BCKDHB: variants seen among roughly 807,000 people sequenced by gnomAD.
The protein encoded by BCKDHB is 2-oxoisovalerate dehydrogenase subunit beta, mitochondrial.
BCKDHB carries 41 observed loss-of-function variants against 48.5 expected under a neutral mutation model. The observed-to-expected ratio is 0.85, with a 90% CI of 0.66 to 1.10. The LOEUF (loss-of-function observed/expected upper bound fraction) is 1.10, where lower values mean the gene tolerates loss of function less well. Ranked by LOEUF, BCKDHB falls within the 50% of genes least tolerant of loss-of-function variation. The pLI, the probability that BCKDHB is intolerant of heterozygous loss-of-function variation, is 0.00. For missense variants in BCKDHB, 496 were observed against 494.2 expected (o/e 1.00, Z -0.03); for synonymous variants, 201 against 174.8 (o/e 1.15, Z -1.18).
intron 9 of BCKDHB, among the ~76,000 whole-genome samples, chr6:80,323,796 G>A (rs1424248942): frequency 2.0e-5 from 3 of 152,088 alleles, no homozygotes; most frequent in Admixed American, 6.5e-5. Context: ...TATTTGAGAC[G>A]GAATCTCGCT....
chr6:80,347,981 G>A (rs138710658), downstream of BCKDHB, among the ~76,000 whole-genome samples: 208 of 152,234 alleles, frequency 1.4e-3, 1 homozygote, highest in Non-Finnish European at 2.6e-3. Context: ...TCTGCTTCTT[G>A]TGACAACATG....
intron 3 of BCKDHB, among the ~76,000 whole-genome samples, chr6:80,153,224 A>G (rs1317947780): frequency 6.6e-6 from 1 of 152,028 alleles, no homozygotes; most frequent in Middle Eastern, 3.2e-3. Flanking sequence ...TTTTGGATGA[A>G]GATCTTTGGA....
intron 6 of BCKDHB, among the ~76,000 whole-genome samples, chr6:80,189,641 T>C (rs943110174): frequency 2.0e-5 from 3 of 152,148 alleles, no homozygotes; most frequent in Non-Finnish European, 4.4e-5. Flanking sequence ...GTTGAAAATA[T>C]GAAAATTTAG....
the BCKDHB span, among the ~76,000 whole-genome samples, chr6:80,427,501 A>T: frequency 2.0e-5 from 3 of 152,164 alleles, no homozygotes; most frequent in Admixed American, 2.0e-4. Context: ...CAAATGAGAA[A>T]AATAATTTTA....
chr6:80,305,239 G>A (rs916351729), intron 9 of BCKDHB, among the ~76,000 whole-genome samples: 6 of 151,870 alleles, frequency 4.0e-5, no homozygotes, highest in African/African-American at 1.5e-4. Context: ...TAGGTATCTG[G>A]GGATAATCTT....
intron 8 of BCKDHB, among the ~76,000 whole-genome samples, chr6:80,234,093 A>T (rs570200429): frequency 6.6e-6 from 1 of 152,084 alleles, no homozygotes; most frequent in African/African-American, 2.4e-5. Flanking sequence ...ATCGAATGCC[A>T]CTGCTGCTGC....
At chr6:80,274,891 C>A (rs1339748531) in intron 9 of BCKDHB, among the ~76,000 whole-genome samples, 5 of 151,488 alleles carry the variant, frequency 3.3e-5, no homozygotes, top group African/African-American at 9.7e-5. Flanking sequence ...TCTCTCAGGC[C>A]CCAAGAATAC....
the BCKDHB span, chr6:80,373,978 C>A: frequency 5.2e-6 from 3 of 572,462 alleles, no homozygotes; most frequent in Non-Finnish European, 9.8e-6. Context: ...TGTGTCTTTT[C>A]TTTTTCCTTT....
chr6:80,334,633 CTG>C (rs1176609359), intron 9 of BCKDHB, among the ~76,000 whole-genome samples: 2 of 35,808 alleles, frequency 5.6e-5, no homozygotes, highest in African/African-American at 2.2e-4. Context: ...CCAAGATTAA[CTG>C]TTAAAAAAAA....
At chr6:80,222,985 T>C (rs537922001) in intron 8 of BCKDHB, among the ~76,000 whole-genome samples, 1 of 152,178 alleles carries the variant, frequency 6.6e-6, no homozygotes, top group African/African-American at 2.4e-5. Context: ...AAAAGTTATG[T>C]TGATGAAGGT....
At chr6:80,414,174 A>T in the BCKDHB span, among the ~76,000 whole-genome samples, 2 of 151,768 alleles carry the variant, frequency 1.3e-5, no homozygotes, top group African/African-American at 4.8e-5. Context: ...AAATTTGTTT[A>T]AGTTTCTCAT....
At chr6:80,128,194 A>ATG (rs1187543453) in intron 2 of BCKDHB, among the ~76,000 whole-genome samples, 1 of 151,770 alleles carries the variant, frequency 6.6e-6, no homozygotes, top group Admixed American at 6.6e-5. Context: ...CAGTTTATAT[A>ATG]TGTGTGTGTG....
At chr6:80,113,233 A>G (rs931937138) in intron 1 of BCKDHB, among the ~76,000 whole-genome samples, 1 of 152,212 alleles carries the variant, frequency 6.6e-6, no homozygotes, top group East Asian at 1.9e-4. Context: ...CTATAGCTGG[A>G]AAAGATAGAA....
Position 80,287,561 on chromosome 6 carries a change from G to A in BCKDHB, c.1038+14340G>A, listed in dbSNP as rs548402754. ...GTCTCCCAACCAGGAAAAATTAGGC[G>A]TGCAGACACCAGAGAGTGAGTGGAA... On this transcript the variant is annotated intron_variant, in intron 9 of 9. Transcript: ENST00000320393. Among the ~76,000 whole-genome samples, 311 of 152,056 alleles carry A rather than the reference G, an allele frequency of 2.0e-3. 1 individual carries two copies. The highest frequency in any genetic ancestry group is 4.9e-3 in the Admixed American group (75 of 15,260).
At chr6:80,332,925 A>G (rs1453851696) in intron 9 of BCKDHB, among the ~76,000 whole-genome samples, 1 of 58,152 alleles carries the variant, frequency 1.7e-5, no homozygotes, top group Non-Finnish European at 4.5e-5. Context: ...AGCACTAAAA[A>G]GAAAAAAAAA....
intron 3 of BCKDHB, among the ~76,000 whole-genome samples, chr6:80,139,888 C>G (rs1334835549): frequency 1.3e-5 from 2 of 152,092 alleles, no homozygotes; most frequent in African/African-American, 2.4e-5. Context: ...TATAAATTAC[C>G]TTGGGCAGTA....
intron 1 of BCKDHB, among the ~76,000 whole-genome samples, chr6:80,109,091 A>C (rs566643689): frequency 5.3e-5 from 8 of 152,336 alleles, no homozygotes; most frequent in African/African-American, 1.9e-4. Flanking sequence ...AGATGCTACA[A>C]GTCTTTTACA....
At chr6:80,307,823 G>A in intron 9 of BCKDHB, 3 of 984,942 alleles carry the variant, frequency 3.0e-6, no homozygotes, top group Non-Finnish European at 3.6e-6. Flanking sequence ...CCATTCAAAT[G>A]GAATGTGTCT....
chr6:80,334,875 GTCA>G (rs1769494132), intron 9 of BCKDHB, among the ~76,000 whole-genome samples: 1 of 151,706 alleles, frequency 6.6e-6, no homozygotes, highest in Non-Finnish European at 1.5e-5. Flanking sequence ...AAATATTTCA[GTCA>G]TCATTTTTTA....
Sources: allele counts gnomAD v4.1 joint callset (sites outside exome capture counted in the v4.1 genomes callset), GRCh38; gene constraint gnomAD v4.1.1; transcripts MANE v1.5; gene names NCBI Gene and HGNC (gene_info 2026-07-23, HGNC 2026-07-21).